The following EXOC4 variants were observed in gnomAD, a reference collection of about 807,000 sequenced individuals.
The protein encoded by EXOC4 is SEC8-like 1.
In EXOC4, 71 loss-of-function variants were observed where a neutral mutation model predicts 107.2. The observed-to-expected ratio is 0.66, with a 90% CI of 0.55 to 0.81. The LOEUF is 0.81. Among genes scored for constraint, EXOC4 ranks in the 30% least tolerant of loss-of-function variants. EXOC4 has a pLI of 0.00. For missense variants in EXOC4, 1,108 were observed against 1,189.6 expected (o/e 0.93, Z 1.01); for synonymous variants, 456 against 441.2 (o/e 1.03, Z -0.42).
intron 10 of EXOC4, among the ~76,000 whole-genome samples, chr7:133,772,942 G>A (rs1049351624): frequency 1.3e-5 from 2 of 151,984 alleles, no homozygotes; most frequent in Non-Finnish European, 2.9e-5. Context: ...TCTGTAAAAT[G>A]GACATAGGAA....
At chr7:133,750,997 A>T (rs10274627) in intron 10 of EXOC4, among the ~76,000 whole-genome samples, 131,931 of 152,238 alleles carry the variant, frequency 0.87, 57,755 homozygotes, top group East Asian at 0.99. Flanking sequence ...ACGCCCACAC[A>T]AGTGTGTTAG....
Position 133,968,081 on chromosome 7 carries a change from T to C in EXOC4, c.2207-29411T>C, listed in dbSNP as rs1423536263. 2.0e-5 allele frequency among the ~76,000 whole-genome samples: 3 copies of C among 152,228 alleles called. No individual in the cohort carries two copies. The East Asian group carries it at 5.8e-4, about 29-fold the overall frequency. The stretch of plus-strand genomic sequence containing the variant: ...GTTGCATTAATCCCTTTAACCATTA[T>C]GTAATGTCCTTCTTTGTCTTTCTTG... On this transcript the variant is annotated intron_variant, in intron 14 of 17. Coordinates refer to ENST00000253861, the MANE Select transcript of EXOC4 (RefSeq NM_021807.4).
intron 11 of EXOC4, among the ~76,000 whole-genome samples, chr7:133,868,876 G>T (rs1766705279): frequency 6.6e-6 from 1 of 152,064 alleles, no homozygotes; most frequent in African/African-American, 2.4e-5. Flanking sequence ...GAATAAATGT[G>T]TATTTTGTAT....
chr7:133,358,167 CAG>C (rs904481844), intron 6 of EXOC4, among the ~76,000 whole-genome samples: 3 of 152,110 alleles, frequency 2.0e-5, no homozygotes, highest in African/African-American at 4.8e-5. Context: ...GCCTGGTTGA[CAG>C]AGTGAAACTT....
At chr7:133,639,391 TATTGCCTACTGTGTTTTTA>T (rs1802791391) in intron 10 of EXOC4, among the ~76,000 whole-genome samples, 1 of 152,174 alleles carries the variant, frequency 6.6e-6, no homozygotes, top group South Asian at 2.1e-4. Flanking sequence ...TGATCATTAA[TATTGCCTACTGTGTTTTTA>T]AAAAATGTGT....
chr7:134,064,590 T>C lies in EXOC4; in HGVS notation c.*62T>C. On this transcript the variant is annotated 3_prime_UTR_variant, in exon 18 of 18. Coordinates refer to ENST00000253861, the MANE Select transcript of EXOC4 (RefSeq NM_021807.4). ...GTCACACTCACTTTTTTCCTTGGTA[T>C]GTTATTGAGTATATTCTGAGCTTAG... is the stretch of plus-strand genomic sequence containing the variant. 1.8e-6 allele frequency: 2 copies of C among 1,112,090 alleles called. No homozygotes were observed. Among genetic ancestry groups the C allele is most frequent in the East Asian group, 2.5e-5 (1 of 40,354 alleles). 68.9% of individuals were successfully genotyped at this position (1,112,090 alleles called of 1,614,324 possible). A position where few individuals can be genotyped will look rare whatever the true frequency, so the allele number is the denominator to read the frequency against.
chr7:133,779,881 G>GCAA (rs143752680), intron 10 of EXOC4, among the ~76,000 whole-genome samples: 1 of 152,104 alleles, frequency 6.6e-6, no homozygotes, highest in Non-Finnish European at 1.5e-5. Context: ...GCCAGCAGCA[G>GCAA]CAACATTTAT....
At chr7:134,050,630 C>G (rs1167014152) in intron 17 of EXOC4, among the ~76,000 whole-genome samples, 1 of 152,054 alleles carries the variant, frequency 6.6e-6, no homozygotes, top group Non-Finnish European at 1.5e-5. Flanking sequence ...GAAGTAGGCT[C>G]TAGATACTTA....
chr7:133,741,771 T>C (rs1795569176), intron 10 of EXOC4, among the ~76,000 whole-genome samples: 1 of 152,184 alleles, frequency 6.6e-6, no homozygotes, highest in African/African-American at 2.4e-5. Context: ...TTGAAACCCA[T>C]ATTATGGATG....
At chr7:133,858,340 G>A (rs1396362047) in intron 11 of EXOC4, among the ~76,000 whole-genome samples, 1 of 152,132 alleles carries the variant, frequency 6.6e-6, no homozygotes, top group African/African-American at 2.4e-5. Flanking sequence ...GTTGAGTCTG[G>A]GGGTTTTTAT....
chr7:133,913,263 A>C (rs1433642717), intron 12 of EXOC4, among the ~76,000 whole-genome samples: 1 of 152,336 alleles, frequency 6.6e-6, no homozygotes, highest in Non-Finnish European at 1.5e-5. Context: ...ATAGATGTTC[A>C]TGCCTTGCTA....
chr7:133,306,275 C>A (rs551716849), intron 4 of EXOC4, among the ~76,000 whole-genome samples: 9 of 152,234 alleles, frequency 5.9e-5, no homozygotes, highest in African/African-American at 1.9e-4. Flanking sequence ...TTATTATGGT[C>A]CTTTTCTGTA....
intron 11 of EXOC4, among the ~76,000 whole-genome samples, chr7:133,886,024 G>A (rs1361857415): frequency 6.6e-6 from 1 of 152,088 alleles, no homozygotes; most frequent in Non-Finnish European, 1.5e-5. Flanking sequence ...GTTCACAGTG[G>A]TACTCCTCAT....
At chr7:134,016,768 A>T (rs1030937006) in intron 17 of EXOC4, among the ~76,000 whole-genome samples, 1 of 152,212 alleles carries the variant, frequency 6.6e-6, no homozygotes, top group Non-Finnish European at 1.5e-5. Context: ...TGCACCGGGA[A>T]CATTACTTTT....
At chr7:133,670,990 G>A (rs896420668) in intron 10 of EXOC4, among the ~76,000 whole-genome samples, 7 of 152,144 alleles carry the variant, frequency 4.6e-5, no homozygotes, top group East Asian at 1.9e-4. Context: ...CTCAGGGTGC[G>A]TGGTCAAGCA....
intron 9 of EXOC4, among the ~76,000 whole-genome samples, chr7:133,486,995 A>G (rs10260687): frequency 0.079 from 11,965 of 152,248 alleles, 1,579 homozygotes; most frequent in African/African-American, 0.27. Context: ...TTTAGCCTTA[A>G]TTGATGTAGA....
rs1342005013 is a variant in EXOC4 at position 133,982,729 on chromosome 7, T to C, written c.2207-14763T>C. 3.3e-5 allele frequency among the ~76,000 whole-genome samples: 5 copies of C among 152,290 alleles called. No individual in the cohort carries two copies. In the East Asian group the frequency reaches 9.7e-4, roughly 29 times the overall value. ...ATGGGTCAGATAGGATGATCCTCCT[T>C]TCACAAGTGGCAAATCTGTTACAGA... On this transcript the variant is annotated intron_variant, in intron 14 of 17. Coordinates refer to ENST00000253861, the MANE Select transcript of EXOC4 (RefSeq NM_021807.4).
chr7:133,657,504 C>A (rs1803327512), intron 10 of EXOC4, among the ~76,000 whole-genome samples: 1 of 152,088 alleles, frequency 6.6e-6, no homozygotes, highest in Non-Finnish European at 1.5e-5. Flanking sequence ...TTCAGTTTCC[C>A]AAGGACAGCA....
At chr7:133,575,368 A>G (rs1247586788) in intron 9 of EXOC4, among the ~76,000 whole-genome samples, 4 of 152,240 alleles carry the variant, frequency 2.6e-5, no homozygotes, top group African/African-American at 7.2e-5. Flanking sequence ...CAAAAAGTGC[A>G]CAAGAGAGGT....
Sources: gnomAD v4.1 joint callset for allele counts (sites outside exome capture counted in the v4.1 genomes callset) on GRCh38, gnomAD v4.1.1 for gene constraint, MANE v1.5 for transcripts, NCBI Gene and HGNC (gene_info 2026-07-23, HGNC 2026-07-21) for gene names.